Variants in RIMS1 observed in about 807,000 individuals in gnomAD.
RIMS1 encodes regulating synaptic membrane exocytosis protein 1.
Under a neutral mutation model 214.1 loss-of-function variants are expected in RIMS1, and 83 were observed. The ratio of observed to expected loss-of-function variants is 0.39; its 90% CI spans 0.32 to 0.47. RIMS1 has a LOEUF of 0.47. RIMS1 is among the 20% of genes least tolerant of loss of function. RIMS1 has a pLI of 0.99. For missense variants in RIMS1, 2,050 were observed against 2,161.8 expected (o/e 0.95, Z 1.03); for synonymous variants, 793 against 786.8 (o/e 1.01, Z -0.13).
At chr6:72,144,868 GA>G (rs903993631) in intron 4 of RIMS1, among the ~76,000 whole-genome samples, 8 of 149,902 alleles carry the variant, frequency 5.3e-5, no homozygotes, top group African/African-American at 9.8e-5. Context: ...GTATGATAAG[GA>G]TTTTTTTTCT....
At position 72,162,572 on chromosome 6, in the gene RIMS1, A is replaced by G. The variant is rs1242566172; in HGVS notation, c.472-17003A>G. Among the ~76,000 whole-genome samples, 4 of 140,428 alleles carry G rather than the reference A, an allele frequency of 2.8e-5. 1 individual carries two copies. Among genetic ancestry groups the G allele is most frequent in the South Asian group, 2.4e-4 (1 of 4,230 alleles). The allele number at this position is 140,428 out of a possible 152,430, so 92.1% of individuals were successfully genotyped here. A position where few individuals can be genotyped will look rare whatever the true frequency, so the allele number is the denominator to read the frequency against. ...AGTGCTTCCTTCAGGAGCTCTTGTA[A>G]GGCAGGCCTGGTGGTGACAAAATCT... is the stretch of plus-strand genomic sequence containing the variant. On this transcript the variant is annotated intron_variant, in intron 4 of 33. Coordinates refer to ENST00000521978, the MANE Select transcript of RIMS1 (RefSeq NM_014989.7).
At chr6:72,151,470 C>T (rs2043577161) in intron 4 of RIMS1, among the ~76,000 whole-genome samples, 1 of 152,152 alleles carries the variant, frequency 6.6e-6, no homozygotes, top group South Asian at 2.1e-4. Flanking sequence ...ATAGCTTCCT[C>T]ATTATAACCT....
chr6:72,042,958 A>G (rs1325239914), intron 2 of RIMS1, among the ~76,000 whole-genome samples: 1 of 151,834 alleles, frequency 6.6e-6, no homozygotes. Context: ...GCTCAAAAGA[A>G]ATATAATTTT....
intron 29 of RIMS1, among the ~76,000 whole-genome samples, chr6:72,360,045 TGG>T (rs2097769429): frequency 6.6e-6 from 1 of 152,166 alleles, no homozygotes; most frequent in Non-Finnish European, 1.5e-5. Flanking sequence ...TTGCCTTAAT[TGG>T]AGTGATTGGG....
chr6:72,219,301 C>T (rs1021468181), intron 6 of RIMS1, among the ~76,000 whole-genome samples: 1 of 152,022 alleles, frequency 6.6e-6, no homozygotes, highest in Admixed American at 6.6e-5. Flanking sequence ...TATCATCATG[C>T]CTGTAAGTTG....
Position 72,235,709 on chromosome 6 carries a change from G to A in RIMS1, c.1838G>A (p.Gly613Asp). 1 of 1,603,372 alleles carries A rather than the reference G, an allele frequency of 6.2e-7. No homozygotes were observed. The highest frequency in any genetic ancestry group is 8.5e-7 in the Non-Finnish European group (1 of 1,173,562). Residue 613 changes from glycine (G) to aspartate (D), a missense_variant, in exon 8 of 34, where the codon GGT becomes GAT. By Grantham distance (94) the Gly-to-Asp change is moderately conservative (BLOSUM62 -1). Transcript: ENST00000521978. ...NKRTTMPKDS[G>D]ALLGLKVVGG... ...AGAACAACCATGCCCAAAGACTCAG[G>A]TGCATTGCTGGGTCTGAAAGTAAGT...
At chr6:72,074,667 A>C (rs137930060) in intron 2 of RIMS1, among the ~76,000 whole-genome samples, 6 of 152,312 alleles carry the variant, frequency 3.9e-5, no homozygotes, top group African/African-American at 1.2e-4. Context: ...CCTGCCTCCA[A>C]AGGGGAAAAA....
intron 2 of RIMS1, among the ~76,000 whole-genome samples, chr6:72,069,897 G>A (rs1341034411): frequency 6.6e-6 from 1 of 152,104 alleles, no homozygotes; most frequent in Admixed American, 6.5e-5. Context: ...GTATGTGTTG[G>A]GATGAGATAG....
intron 2 of RIMS1, among the ~76,000 whole-genome samples, chr6:71,975,044 T>A (rs1796799595): frequency 6.6e-6 from 1 of 152,114 alleles, no homozygotes; most frequent in Admixed American, 6.5e-5. Flanking sequence ...CAATAACTTA[T>A]GGAAAAATAA....
chr6:72,066,174 A>G (rs1829251114), intron 2 of RIMS1, among the ~76,000 whole-genome samples: 1 of 152,226 alleles, frequency 6.6e-6, no homozygotes, highest in Admixed American at 6.5e-5. Context: ...ATGATTCATT[A>G]TCTTCTTACA....
intron 1 of RIMS1, among the ~76,000 whole-genome samples, chr6:71,928,273 G>A (rs1426370739): frequency 6.6e-6 from 1 of 152,078 alleles, no homozygotes; most frequent in African/African-American, 2.4e-5. Context: ...AGATTTAACA[G>A]TATACCCCGA....
At chr6:72,017,447 A>T (rs551723218) in intron 2 of RIMS1, among the ~76,000 whole-genome samples, 24 of 152,334 alleles carry the variant, frequency 1.6e-4, no homozygotes, top group South Asian at 1.4e-3. Flanking sequence ...TGTGAAAGAG[A>T]CAAATTTCTT....
At chr6:72,366,568 A>G (rs1006368758) in intron 29 of RIMS1, among the ~76,000 whole-genome samples, 1 of 152,216 alleles carries the variant, frequency 6.6e-6, no homozygotes. Context: ...GACACATGGC[A>G]AATTTGCTTA....
chr6:72,033,415 A>C (rs1419465965), intron 2 of RIMS1, among the ~76,000 whole-genome samples: 2 of 152,198 alleles, frequency 1.3e-5, no homozygotes, highest in African/African-American at 4.8e-5. Flanking sequence ...ATTTACATCT[A>C]TACTTATCAC....
intron 2 of RIMS1, among the ~76,000 whole-genome samples, chr6:72,020,847 A>G (rs1814420483): frequency 6.6e-6 from 1 of 152,146 alleles, no homozygotes; most frequent in Admixed American, 6.6e-5. Context: ...ATCTGACTGA[A>G]TTTACCCACA....
At chr6:72,311,905 A>C (rs1057030378) in intron 27 of RIMS1, among the ~76,000 whole-genome samples, 5 of 152,158 alleles carry the variant, frequency 3.3e-5, no homozygotes, top group Non-Finnish European at 7.3e-5. Context: ...TGGGAGGCTA[A>C]GGTTGGAGTG....
intron 1 of RIMS1, among the ~76,000 whole-genome samples, chr6:71,951,335 A>T (rs1233382516): frequency 6.6e-6 from 1 of 152,178 alleles, no homozygotes; most frequent in East Asian, 1.9e-4. Flanking sequence ...GAATCACCTG[A>T]TGCTGACAAC....
At chr6:72,165,384 C>T (rs2046109427) in intron 4 of RIMS1, among the ~76,000 whole-genome samples, 1 of 152,128 alleles carries the variant, frequency 6.6e-6, no homozygotes, top group Admixed American at 6.5e-5. Context: ...CTGAACTTGT[C>T]AAACAACATA....
At chr6:72,316,140 G>C (rs937389678) in intron 28 of RIMS1, among the ~76,000 whole-genome samples, 2 of 152,072 alleles carry the variant, frequency 1.3e-5, no homozygotes, top group African/African-American at 4.8e-5. Flanking sequence ...CCACCACCAT[G>C]ACCATGTAGG....
Sources: gnomAD v4.1 joint callset for allele counts (sites outside exome capture counted in the v4.1 genomes callset) on GRCh38, gnomAD v4.1.1 for gene constraint, MANE v1.5 for transcripts, NCBI Gene and HGNC (gene_info 2026-07-23, HGNC 2026-07-21) for gene names.